The following RETREG1 variants were observed in gnomAD, a reference collection of about 807,000 sequenced individuals.
RETREG1 encodes the protein reticulophagy regulator 1, also known as family with sequence similarity 134 member B.
In RETREG1, 44 loss-of-function variants were observed where a neutral mutation model predicts 54.8. The ratio of observed to expected loss-of-function variants is 0.80; its 90% CI spans 0.63 to 1.03. The LOEUF is 1.03. Ranked by LOEUF, RETREG1 falls within the 50% of genes least tolerant of loss-of-function variation. The probability of loss-of-function intolerance (pLI) is 0.00; values close to 1 mark genes in which losing one functional copy is unlikely to be tolerated. For synonymous variants in RETREG1, 217 were observed against 238.5 expected (o/e 0.91, Z 0.83); for missense variants, 554 against 605.1 (o/e 0.92, Z 0.89).
chr5:16,519,272 T>C (rs1740454250), intron 3 of RETREG1, among the ~76,000 whole-genome samples: 2 of 152,158 alleles, frequency 1.3e-5, no homozygotes, highest in Non-Finnish European at 2.9e-5. Context: ...TTCTCCAAAA[T>C]ACTATGTTAT....
rs550064261 is a variant in RETREG1, at chr5:16,533,294, C to G, written c.458+32469G>C. Among the ~76,000 whole-genome samples the G allele has an allele frequency of 2.6e-5, 4 of 152,272 alleles. No homozygotes were observed. The South Asian group carries it at 6.2e-4, about 24-fold the overall frequency. ...TCCTGACCTCGTGATCCACCCGCCTCGGCCTCCCAAAGTGCTGGGATTACA... is the reference window on the plus strand; with the variant it reads ...TCCTGACCTCGTGATCCACCCGCCTGGGCCTCCCAAAGTGCTGGGATTACA... On this transcript the variant is annotated intron_variant, in intron 3 of 8. Coordinates refer to ENST00000306320, the MANE Select transcript of RETREG1 (RefSeq NM_001034850.3).
intron 1 of RETREG1, among the ~76,000 whole-genome samples, chr5:16,572,458 C>G (rs930286737): frequency 4.6e-5 from 7 of 152,114 alleles, no homozygotes; most frequent in African/African-American, 1.7e-4. Flanking sequence ...AGCGATCCAC[C>G]CACCTCGGCC....
At chr5:16,581,561 AC>A (rs1431856054) in intron 1 of RETREG1, among the ~76,000 whole-genome samples, 58 of 143,790 alleles carry the variant, frequency 4.0e-4, no homozygotes, top group African/African-American at 1.3e-3. Flanking sequence ...ACACACACAC[AC>A]ACAAAACACA....
intron 1 of RETREG1, among the ~76,000 whole-genome samples, chr5:16,603,648 C>T: frequency 6.6e-6 from 1 of 152,128 alleles, no homozygotes; most frequent in East Asian, 1.9e-4. Context: ...GGCTCCATGC[C>T]TCCCAGCCCC....
At chr5:16,528,654 A>C (rs557264017) in intron 3 of RETREG1, among the ~76,000 whole-genome samples, 2 of 152,348 alleles carry the variant, frequency 1.3e-5, no homozygotes, top group African/African-American at 4.8e-5. Context: ...AGAAGGGACA[A>C]GGTAAAGTTA....
intron 1 of RETREG1, among the ~76,000 whole-genome samples, chr5:16,582,922 C>T (rs1742530282): frequency 6.6e-6 from 1 of 152,196 alleles, no homozygotes; most frequent in South Asian, 2.1e-4. Flanking sequence ...ACTCGGACCC[C>T]TGCCATTTGG....
intron 1 of RETREG1, among the ~76,000 whole-genome samples, chr5:16,601,224 C>T (rs1221836228): frequency 6.6e-6 from 1 of 151,970 alleles, no homozygotes; most frequent in East Asian, 1.9e-4. Flanking sequence ...AAAACTTAGC[C>T]AGGCATGGTA....
intron 3 of RETREG1, among the ~76,000 whole-genome samples, chr5:16,506,728 C>T (rs1376228181): frequency 6.6e-6 from 1 of 152,142 alleles, no homozygotes; most frequent in Non-Finnish European, 1.5e-5. Flanking sequence ...AACTTTCTCC[C>T]TGTCTGGGAT....
chr5:16,538,449 G>T (rs1465102495), intron 3 of RETREG1, among the ~76,000 whole-genome samples: 1 of 152,166 alleles, frequency 6.6e-6, no homozygotes, highest in African/African-American at 2.4e-5. Flanking sequence ...CAGCCCACGT[G>T]TCAGAGACTG....
intron 3 of RETREG1, among the ~76,000 whole-genome samples, chr5:16,500,289 T>C (rs1739651982): frequency 6.6e-6 from 1 of 152,174 alleles, no homozygotes; most frequent in African/African-American, 2.4e-5. Context: ...TACATCCAGG[T>C]TTTGCCGCAT....
chr5:16,560,813 C>A (rs1279999446), intron 3 of RETREG1, among the ~76,000 whole-genome samples: 2 of 152,086 alleles, frequency 1.3e-5, no homozygotes, highest in African/African-American at 2.4e-5. Flanking sequence ...CTATCTAGTG[C>A]CAGATGCTAA....
intron 3 of RETREG1, among the ~76,000 whole-genome samples, chr5:16,544,610 G>A (rs77744410): frequency 0.031 from 4,731 of 152,242 alleles, 231 homozygotes; most frequent in African/African-American, 0.11. Flanking sequence ...TACAAGGGAT[G>A]GATCAAAGTT....
chr5:16,505,611 G>C (rs909847384), intron 3 of RETREG1, among the ~76,000 whole-genome samples: 1 of 152,150 alleles, frequency 6.6e-6, no homozygotes, highest in Non-Finnish European at 1.5e-5. Flanking sequence ...GAAGAGCTCC[G>C]TCTTGGTGCC....
intron 3 of RETREG1, among the ~76,000 whole-genome samples, chr5:16,502,262 T>G (rs1384421661): frequency 1.3e-5 from 2 of 152,148 alleles, no homozygotes; most frequent in Non-Finnish European, 2.9e-5. Flanking sequence ...CCAGCCTAAG[T>G]AAGCATTTTT....
At chr5:16,558,793 T>G (rs1173370004) in intron 3 of RETREG1, among the ~76,000 whole-genome samples, 2 of 152,254 alleles carry the variant, frequency 1.3e-5, no homozygotes, top group Admixed American at 1.3e-4. Flanking sequence ...CCTCTTAAGC[T>G]ATCAGGTAAA....
chr5:16,542,868 A>T (rs1053519651), intron 3 of RETREG1, among the ~76,000 whole-genome samples: 1 of 152,226 alleles, frequency 6.6e-6, no homozygotes, highest in Non-Finnish European at 1.5e-5. Context: ...TAAACTGCGC[A>T]TAAGTTTTAA....
chr5:16,538,548 C>T (rs902371793), intron 3 of RETREG1, among the ~76,000 whole-genome samples: 5 of 152,114 alleles, frequency 3.3e-5, no homozygotes, highest in Admixed American at 6.6e-5. Flanking sequence ...TAAAGATGAG[C>T]GCAGGAAGGC....
intron 3 of RETREG1, among the ~76,000 whole-genome samples, chr5:16,518,756 C>T (rs1473470434): frequency 6.6e-6 from 1 of 152,076 alleles, no homozygotes; most frequent in East Asian, 1.9e-4. Context: ...CTTTGAGAAG[C>T]TGACTGTTTC....
Position 16,477,652 on chromosome 5 carries a change from A to G in RETREG1, c.1000+10T>C. The stretch of plus-strand genomic sequence containing the variant: ...CATAAAAATAAATGTCTCCAGAAAT[A>G]TTAGCATACCATCAGAAGTGTCTGT... On this transcript the variant is annotated intron_variant, in intron 8 of 8. Coordinates refer to ENST00000306320, the MANE Select transcript of RETREG1 (RefSeq NM_001034850.3). The G allele has an allele frequency of 6.2e-7, 1 of 1,612,362 alleles. No individual in the cohort carries two copies. Among genetic ancestry groups the G allele is most frequent in the South Asian group, 1.1e-5 (1 of 91,054 alleles).
Sources: allele counts gnomAD v4.1 joint callset (sites outside exome capture counted in the v4.1 genomes callset), GRCh38; gene constraint gnomAD v4.1.1; transcripts MANE v1.5; gene names NCBI Gene and HGNC (gene_info 2026-07-23, HGNC 2026-07-21).